The following LRRIQ1 variants were observed in gnomAD, a reference collection of about 807,000 sequenced individuals.
LRRIQ1 encodes leucine-rich repeat- and IQ domain-containing protein 1.
Under a neutral mutation model 211.9 loss-of-function variants are expected in LRRIQ1, and 210 were observed. The ratio of observed to expected loss-of-function variants is 0.99; its 90% CI spans 0.89 to 1.11. The LOEUF is 1.11. Ranked by LOEUF, LRRIQ1 falls within the 50% of genes most tolerant of loss-of-function variation. The pLI, the probability that LRRIQ1 is intolerant of heterozygous loss-of-function variation, is 0.00. For missense variants in LRRIQ1, 2,136 were observed against 1,939.5 expected, an observed-to-expected ratio of 1.10 and a Z score of -1.90; for synonymous variants, 699 against 650.1, an observed-to-expected ratio of 1.08 and a Z score of -1.14.
At chr12:85,265,446 A>T (rs1464303254), downstream of LRRIQ1, among the ~76,000 whole-genome samples, 1 of 151,938 alleles carries the variant, frequency 6.6e-6, no homozygotes, top group Non-Finnish European at 1.5e-5. Context: ...CTAATATGAG[A>T]TGTAATTCTA....
At chr12:85,250,873 AT>A (rs1895900059) in intron 1 of LRRIQ1, among the ~76,000 whole-genome samples, 1 of 56,978 alleles carries the variant, frequency 1.8e-5, no homozygotes, top group Non-Finnish European at 3.1e-5. Context: ...TAGATTATAT[AT>A]TATATTATAT....
At chr12:85,098,728 T>G in intron 12 of LRRIQ1, 139 bp from the exon 13 acceptor site, 2 of 694,722 alleles carry the variant, frequency 2.9e-6, no homozygotes, top group Non-Finnish European at 4.4e-6. Context: ...TATTCATATT[T>G]AAAAAGTCTT....
chr12:85,050,624 T>C (rs1044039594), intron 6 of LRRIQ1, among the ~76,000 whole-genome samples: 17 of 152,326 alleles, frequency 1.1e-4, no homozygotes, highest in African/African-American at 4.1e-4. Context: ...CGCATCCATG[T>C]ACTTTACAGC....
chr12:85,255,684 A>C (rs1196406692), intron 1 of LRRIQ1, among the ~76,000 whole-genome samples: 1 of 151,780 alleles, frequency 6.6e-6, no homozygotes, highest in African/African-American at 2.4e-5. Context: ...GTAAAAATTC[A>C]TATTTTAAGA....
At chr12:85,085,274 A>G (rs1026191329) in intron 11 of LRRIQ1, among the ~76,000 whole-genome samples, 11 of 152,206 alleles carry the variant, frequency 7.2e-5, no homozygotes, top group Non-Finnish European at 1.2e-4. Flanking sequence ...CAGGAAACTT[A>G]CAATCATGGT....
intron 24 of LRRIQ1, among the ~76,000 whole-genome samples, chr12:85,197,926 A>AAT (rs1353230804): frequency 8.4e-6 from 1 of 119,050 alleles, no homozygotes; most frequent in African/African-American, 3.2e-5. Context: ...AAATATATAT[A>AAT]ATATAATTAT....
intron 1 of LRRIQ1, among the ~76,000 whole-genome samples, chr12:85,252,371 A>C (rs1690701850): frequency 6.6e-6 from 1 of 151,912 alleles, no homozygotes; most frequent in African/African-American, 2.4e-5. Flanking sequence ...TTTTTAGGAA[A>C]ATGTTGTTTG....
intron 25 of LRRIQ1, 60 bp downstream of exon 25, chr12:85,229,709 C>G: frequency 1.3e-6 from 2 of 1,535,616 alleles, no homozygotes; most frequent in Admixed American, 3.9e-5. Context: ...AAAATTGAAA[C>G]CTAGGTTAAT....
intron 24 of LRRIQ1, among the ~76,000 whole-genome samples, chr12:85,220,868 C>T (rs1028263542): frequency 2.1e-5 from 3 of 144,926 alleles, no homozygotes; most frequent in Non-Finnish European, 3.0e-5. Context: ...ACGGCAGTGG[C>T]GTGATCCTGG....
chr12:85,256,692 A>G (rs1896105203), intron 1 of LRRIQ1, among the ~76,000 whole-genome samples: 1 of 151,562 alleles, frequency 6.6e-6, no homozygotes, highest in African/African-American at 2.4e-5. Context: ...TTAAGAAAAT[A>G]GAGTCAAATA....
At chr12:85,210,770 T>C (rs1040465882) in intron 24 of LRRIQ1, among the ~76,000 whole-genome samples, 1 of 133,744 alleles carries the variant, frequency 7.5e-6, no homozygotes, top group African/African-American at 4.2e-5. Context: ...GACTATTTTT[T>C]AAAAAATGTT....
intron 11 of LRRIQ1, among the ~76,000 whole-genome samples, chr12:85,078,298 G>A (rs1294598842): frequency 6.6e-6 from 1 of 152,130 alleles, no homozygotes; most frequent in East Asian, 1.9e-4. Flanking sequence ...TGAAAATCCT[G>A]TATAATATTA....
intron 24 of LRRIQ1, among the ~76,000 whole-genome samples, chr12:85,198,185 A>T (rs1196172313): frequency 1.4e-4 from 18 of 133,064 alleles, no homozygotes; most frequent in East Asian, 4.1e-4. Context: ...TTATATATAT[A>T]TATTTTTTCT....
At chr12:85,095,917 A>G (rs751150957) in intron 11 of LRRIQ1, among the ~76,000 whole-genome samples, 2 of 151,928 alleles carry the variant, frequency 1.3e-5, no homozygotes, top group African/African-American at 2.4e-5. Context: ...TACTTCCTGT[A>G]TATTTTCTTG....
At chr12:85,100,116 C>A (rs982651507) in intron 13 of LRRIQ1, among the ~76,000 whole-genome samples, 4 of 151,580 alleles carry the variant, frequency 2.6e-5, no homozygotes, top group African/African-American at 9.7e-5. Context: ...TGGACATACG[C>A]AGTAAGTCAC....
At chr12:85,183,466 A>T (rs756068163) in intron 24 of LRRIQ1, among the ~76,000 whole-genome samples, 2 of 152,050 alleles carry the variant, frequency 1.3e-5, no homozygotes, top group African/African-American at 4.8e-5. Context: ...CAACTCAGAT[A>T]TTTGCTCATT....
At chr12:85,257,066 TTA>T (rs1896122734) in intron 1 of LRRIQ1, among the ~76,000 whole-genome samples, 1 of 118,504 alleles carries the variant, frequency 8.4e-6, no homozygotes, top group Non-Finnish European at 1.7e-5. Context: ...AATTATATAA[TTA>T]TATAAATATA....
At chr12:85,256,459 C>T (rs11834339) in intron 1 of LRRIQ1, among the ~76,000 whole-genome samples, 94 of 151,554 alleles carry the variant, frequency 6.2e-4, no homozygotes, top group Middle Eastern at 3.4e-3. Flanking sequence ...ATGCATTTGT[C>T]GAATGAATGA....
intron 24 of LRRIQ1, among the ~76,000 whole-genome samples, chr12:85,198,463 C>T (rs1459173743): frequency 6.6e-6 from 1 of 151,942 alleles, no homozygotes; most frequent in African/African-American, 2.4e-5. Flanking sequence ...ACAACCTCAC[C>T]AGCATCTGTT....
Sources: gnomAD v4.1 joint callset for allele counts (sites outside exome capture counted in the v4.1 genomes callset) on GRCh38, gnomAD v4.1.1 for gene constraint, MANE v1.5 for transcripts, NCBI Gene and HGNC (gene_info 2026-07-23, HGNC 2026-07-21) for gene names.